Variants in ROBO1 observed in about 807,000 individuals in gnomAD.
ROBO1 encodes roundabout homolog 1.
A neutral mutation model predicts 195.9 loss-of-function variants in ROBO1; 149 were observed. The observed-to-expected ratio is 0.76, with a 90% CI of 0.67 to 0.87. The LOEUF (loss-of-function observed/expected upper bound fraction) is 0.87, where lower values mean the gene tolerates loss of function less well. ROBO1 is among the 40% of genes least tolerant of loss of function. The pLI is 0.00. For synonymous variants in ROBO1, 816 were observed against 733.2 expected (o/e 1.11, Z -1.82); for missense variants, 1,933 against 2,068.3 (o/e 0.93, Z 1.27).
chr3:79,405,139 G>A (rs1031214650), intron 2 of ROBO1, among the ~76,000 whole-genome samples: 10 of 151,970 alleles, frequency 6.6e-5, no homozygotes, highest in East Asian at 3.9e-4. Flanking sequence ...AAATGATTAT[G>A]GGCATGCAAC....
Position 79,354,076 on chromosome 3 carries a change from A to G in ROBO1, c.89-228537T>C, listed in dbSNP as rs373090693. On this transcript the variant is annotated intron_variant, in intron 2 of 30. Transcript: ENST00000464233. ...AAAAAAAAAGTTATTAAGTTATTGTAATAGTTTAGGAAGGGCACTATACTA... is the reference window on the plus strand; with the variant it reads ...AAAAAAAAAGTTATTAAGTTATTGTGATAGTTTAGGAAGGGCACTATACTA... Among the ~76,000 whole-genome samples, 62 of 152,154 alleles carry G rather than the reference A, an allele frequency of 4.1e-4. 1 individual carries two copies. In the East Asian group the frequency reaches 7.2e-3, roughly 18 times the overall value.
At chr3:79,471,250 G>A (rs75406383) in intron 2 of ROBO1, among the ~76,000 whole-genome samples, 4,726 of 152,206 alleles carry the variant, frequency 0.031, 271 homozygotes, top group African/African-American at 0.11. Flanking sequence ...ACTGGGCAAC[G>A]ATTTTCTTGG....
intron 2 of ROBO1, among the ~76,000 whole-genome samples, chr3:79,525,652 C>T (rs1941403518): frequency 6.8e-6 from 1 of 147,928 alleles, no homozygotes; most frequent in South Asian, 2.1e-4. Context: ...GTCGCCCAGG[C>T]TGGAGTGCAG....
intron 1 of ROBO1, among the ~76,000 whole-genome samples, chr3:79,619,164 C>T (rs1165011183): frequency 2.6e-5 from 4 of 152,180 alleles, no homozygotes; most frequent in South Asian, 2.1e-4. Flanking sequence ...CGCAGGGATG[C>T]CTGCCTTGGT....
At chr3:79,050,802 A>C (rs2078681841) in intron 3 of ROBO1, among the ~76,000 whole-genome samples, 1 of 152,184 alleles carries the variant, frequency 6.6e-6, no homozygotes, top group Non-Finnish European at 1.5e-5. Context: ...CCTGCTCCTC[A>C]ATGACTACTG....
chr3:79,361,005 A>C (rs2035747963), intron 2 of ROBO1, among the ~76,000 whole-genome samples: 1 of 152,038 alleles, frequency 6.6e-6, no homozygotes, highest in African/African-American at 2.4e-5. Context: ...TTGTACAGTT[A>C]ATTCTGATTA....
At chr3:79,270,905 CTTTAA>C (rs574937346) in intron 2 of ROBO1, among the ~76,000 whole-genome samples, 46 of 151,840 alleles carry the variant, frequency 3.0e-4, no homozygotes, top group Non-Finnish European at 6.2e-4. Flanking sequence ...AATATTCATC[CTTTAA>C]TTTACTATCA....
At position 79,111,590 on chromosome 3, in the gene ROBO1, G is replaced by A. The variant is rs542235366; in HGVS notation, c.172+13866C>T. The stretch of plus-strand genomic sequence containing the variant: ...AAAGATCATATTCATTTCCCAACAC[G>A]TCACAGCTGTAACTATTCAACCCAG... On this transcript the variant is annotated intron_variant, in intron 3 of 30. Transcript: ENST00000464233. 2.0e-4 allele frequency among the ~76,000 whole-genome samples: 31 copies of A among 152,064 alleles called. 1 individual carries two copies. The South Asian group carries it at 3.9e-3, about 19-fold the overall frequency.
intron 2 of ROBO1, among the ~76,000 whole-genome samples, chr3:79,372,451 T>G (rs1247030587): frequency 2.0e-5 from 3 of 152,028 alleles, no homozygotes; most frequent in Non-Finnish European, 4.4e-5. Context: ...TCTCGTGATC[T>G]GCCCGCCTTG....
At chr3:79,456,144 T>A (rs1387284809) in intron 2 of ROBO1, among the ~76,000 whole-genome samples, 1 of 152,164 alleles carries the variant, frequency 6.6e-6, no homozygotes, top group African/African-American at 2.4e-5. Context: ...TTCTACCACC[T>A]TCATTGAAAT....
intron 3 of ROBO1, among the ~76,000 whole-genome samples, chr3:79,003,216 G>C (rs1398209399): frequency 6.6e-6 from 1 of 152,076 alleles, no homozygotes; most frequent in African/African-American, 2.4e-5. Context: ...CCAGAAATCT[G>C]TCTCCAAACT....
intron 4 of ROBO1, among the ~76,000 whole-genome samples, chr3:78,758,460 A>G (rs748890936): frequency 2.7e-5 from 4 of 148,240 alleles, no homozygotes; most frequent in Non-Finnish European, 5.9e-5. Flanking sequence ...GAGGTCAAGA[A>G]GGCTTCAGTG....
intron 26 of ROBO1, among the ~76,000 whole-genome samples, chr3:78,620,640 A>C (rs911287769): frequency 3.9e-5 from 6 of 152,246 alleles, no homozygotes; most frequent in Admixed American, 1.3e-4. Flanking sequence ...AACTCATTTA[A>C]TGAGCACTTA....
At chr3:79,136,205 G>A (rs1160108983) in intron 2 of ROBO1, among the ~76,000 whole-genome samples, 1 of 152,122 alleles carries the variant, frequency 6.6e-6, no homozygotes, top group African/African-American at 2.4e-5. Flanking sequence ...TAAGAGAAAA[G>A]CCTGTTGGTT....
intron 2 of ROBO1, among the ~76,000 whole-genome samples, chr3:79,397,919 A>G (rs1226497730): frequency 1.3e-5 from 2 of 152,178 alleles, no homozygotes; most frequent in African/African-American, 2.4e-5. Flanking sequence ...ATTGTTTGCA[A>G]TAGAGCCTGG....
At chr3:78,666,733 A>C (rs1575878831) in intron 14 of ROBO1, among the ~76,000 whole-genome samples, 1 of 152,328 alleles carries the variant, frequency 6.6e-6, no homozygotes, top group Admixed American at 6.5e-5. Flanking sequence ...TGAAACAAAA[A>C]GTGCTTCCAA....
At chr3:79,380,886 G>A (rs2036545220) in intron 2 of ROBO1, among the ~76,000 whole-genome samples, 1 of 152,132 alleles carries the variant, frequency 6.6e-6, no homozygotes, top group Non-Finnish European at 1.5e-5. Context: ...TCTACTATGA[G>A]AACAAGACTG....
intron 1 of ROBO1, among the ~76,000 whole-genome samples, chr3:79,687,067 T>C (rs1203073334): frequency 6.6e-6 from 1 of 152,126 alleles, no homozygotes; most frequent in Admixed American, 6.6e-5. Context: ...ATGCCGCTTA[T>C]CTACAACCGT....
intron 2 of ROBO1, among the ~76,000 whole-genome samples, chr3:79,189,960 A>G (rs1264948800): frequency 2.0e-5 from 3 of 151,718 alleles, no homozygotes; most frequent in Non-Finnish European, 4.4e-5. Flanking sequence ...TGAAGCCAAA[A>G]TTGGAACCAC....
Sources: allele counts gnomAD v4.1 joint callset (sites outside exome capture counted in the v4.1 genomes callset), GRCh38; gene constraint gnomAD v4.1.1; transcripts MANE v1.5; gene names NCBI Gene and HGNC (gene_info 2026-07-23, HGNC 2026-07-21).